MTA3: variants seen among roughly 807,000 people sequenced by gnomAD.
MTA3 encodes metastasis-associated protein MTA3.
A neutral mutation model predicts 83.5 loss-of-function variants in MTA3; 34 were observed. The observed-to-expected ratio is 0.41, with a 90% CI of 0.31 to 0.54. The LOEUF is 0.54. Among genes scored for constraint, MTA3 ranks in the 20% least tolerant of loss-of-function variants. The probability of loss-of-function intolerance (pLI) is 0.33; values close to 1 mark genes in which losing one functional copy is unlikely to be tolerated. For missense variants in MTA3, 761 were observed against 726.4 expected (o/e 1.05, Z -0.55); for synonymous variants, 303 against 252.7 (o/e 1.20, Z -1.89).
intron 9 of MTA3, among the ~76,000 whole-genome samples, chr2:42,690,949 T>C (rs1316987019): frequency 6.6e-6 from 1 of 151,880 alleles, no homozygotes; most frequent in Non-Finnish European, 1.5e-5. Flanking sequence ...CGATCTCTGC[T>C]TACTGCAACC....
chr2:42,721,127 T>C (rs905383947), intron 15 of MTA3, among the ~76,000 whole-genome samples: 10 of 152,102 alleles, frequency 6.6e-5, no homozygotes, highest in African/African-American at 2.4e-4. Context: ...AATATATTTA[T>C]GAGTATTTAT....
Position 42,708,049 on chromosome 2 carries a change from A to G in MTA3, c.1297A>G (p.Thr433Ala). Residue 433 changes from threonine (T) to alanine (A), a missense_variant, in exon 13 of 17, where the codon ACA (threonine) becomes GCA (alanine). By Grantham distance (58) the Thr-to-Ala change is moderately conservative (BLOSUM62 0). Transcript: ENST00000405094. ...AGAGAAGTTATCTCCTAGCCCAACT[A>G]CAGAGGTACAGTAGTCTTTTTAGTG... ...EEEKLSPSPT[T>A]EDPRVRSHVS... The G allele has an allele frequency of 6.2e-7, 1 of 1,604,760 alleles. No individual in the cohort carries two copies. The highest frequency in any genetic ancestry group is 8.5e-7 in the Non-Finnish European group (1 of 1,177,378).
At chr2:42,658,718 C>G (rs935674119) in intron 7 of MTA3, among the ~76,000 whole-genome samples, 4 of 152,066 alleles carry the variant, frequency 2.6e-5, no homozygotes, top group Admixed American at 6.6e-5. Context: ...TTTACAGTAA[C>G]TATCTGTTTA....
At chr2:42,607,960 TATACAA>T (rs1239225911) in intron 3 of MTA3, among the ~76,000 whole-genome samples, 1 of 152,206 alleles carries the variant, frequency 6.6e-6, no homozygotes, top group Non-Finnish European at 1.5e-5. Context: ...AAAAAAAAGT[TATACAA>T]ATACATAAAT....
chr2:42,751,907 G>T (rs913022925), intron 16 of MTA3, among the ~76,000 whole-genome samples: 1 of 152,170 alleles, frequency 6.6e-6, no homozygotes, highest in African/African-American at 2.4e-5. Context: ...AGGTCAGGAT[G>T]CTCTTACTGG....
At chr2:42,672,904 T>A (rs1295753737) in intron 8 of MTA3, among the ~76,000 whole-genome samples, 6 of 150,066 alleles carry the variant, frequency 4.0e-5, no homozygotes, top group Non-Finnish European at 3.0e-5. Flanking sequence ...TGGAGTGCAA[T>A]GGTGCAATCT....
At chr2:42,528,642 G>C (rs533852700) in intron 2 of MTA3, among the ~76,000 whole-genome samples, 1 of 152,336 alleles carries the variant, frequency 6.6e-6, no homozygotes, top group African/African-American at 2.4e-5. Context: ...CTTTACTACT[G>C]AAGAGATGTG....
intron 9 of MTA3, among the ~76,000 whole-genome samples, chr2:42,685,226 A>G (rs996604030): frequency 4.6e-5 from 7 of 152,244 alleles, no homozygotes; most frequent in Non-Finnish European, 8.8e-5. Flanking sequence ...ATACTGTTAG[A>G]TGATTTTTTT....
intron 7 of MTA3, among the ~76,000 whole-genome samples, chr2:42,656,984 TG>T (rs1423788417): frequency 2.0e-5 from 3 of 152,206 alleles, no homozygotes; most frequent in African/African-American, 7.2e-5. Context: ...ATCATTTATG[TG>T]TATACAGAGT....
chr2:42,627,678 C>T (rs935095769), intron 4 of MTA3, among the ~76,000 whole-genome samples: 2 of 151,722 alleles, frequency 1.3e-5, no homozygotes, highest in Non-Finnish European at 2.9e-5. Context: ...ATCCTCCTGC[C>T]TCAGCCTCCC....
upstream of MTA3, among the ~76,000 whole-genome samples, chr2:42,566,243 C>T (rs957566320): frequency 1.3e-5 from 2 of 152,068 alleles, no homozygotes; most frequent in African/African-American, 2.4e-5. Context: ...GCTTTCCACC[C>T]GTCTTTGGTT....
intron 4 of MTA3, among the ~76,000 whole-genome samples, chr2:42,618,475 G>A (rs1685172150): frequency 6.6e-6 from 1 of 152,106 alleles, no homozygotes; most frequent in Non-Finnish European, 1.5e-5. Flanking sequence ...AAACTTATGT[G>A]TATTTTCTGG....
intron 8 of MTA3, among the ~76,000 whole-genome samples, chr2:42,675,034 C>G (rs894856644): frequency 2.0e-5 from 3 of 152,022 alleles, no homozygotes; most frequent in African/African-American, 7.2e-5. Context: ...GCCTTGGCCT[C>G]CCAGGGCCTC....
intron 2 of MTA3, among the ~76,000 whole-genome samples, chr2:42,499,300 T>A (rs981317686): frequency 1.3e-5 from 2 of 151,722 alleles, no homozygotes; most frequent in African/African-American, 4.8e-5. Context: ...CCTGAGCAGC[T>A]GGGATTACAG....
At chr2:42,636,063 C>T (rs960967243) in intron 4 of MTA3, among the ~76,000 whole-genome samples, 12 of 152,112 alleles carry the variant, frequency 7.9e-5, no homozygotes, top group South Asian at 2.1e-4. Flanking sequence ...GCCACGGCGC[C>T]GGGCCAGGAA....
chr2:42,610,439 T>A (rs35012832), intron 4 of MTA3, among the ~76,000 whole-genome samples: 15,702 of 152,182 alleles, frequency 0.1, 1,027 homozygotes, highest in Non-Finnish European at 0.14. Context: ...GGTGACTGAT[T>A]TGGGCGATAT....
At chr2:42,600,550 G>C (rs565333310) in intron 3 of MTA3, among the ~76,000 whole-genome samples, 75 of 142,696 alleles carry the variant, frequency 5.3e-4, no homozygotes, top group African/African-American at 1.8e-3. Flanking sequence ...ATGTTTCTTT[G>C]TTTTGTTTTG....
In MTA3 at chr2:42,708,908, C is replaced by T. The variant is rs751395716; in HGVS notation, c.1337C>T (p.Ala446Val). ...PRVRSHVSRQ[A>V]MQGMPVRNTG... is the part of the protein sequence containing the mutation. ...GTTAGAAGTCACGTGTCCCGCCAGGCCATGCAGGGAATGCCAGTCCGAAAC... is the reference window on the plus strand; with the variant it reads ...GTTAGAAGTCACGTGTCCCGCCAGGTCATGCAGGGAATGCCAGTCCGAAAC... The change falls in exon 14 of 17, where the codon GCC (alanine) becomes GTC (valine). Residue 446 changes from alanine (A) to valine (V), a missense_variant. Coordinates refer to ENST00000405094, the MANE Select transcript of MTA3 (RefSeq NM_001330442.2). The T allele has an allele frequency of 6.2e-7, 1 of 1,613,988 alleles. No individual in the cohort carries two copies. The highest frequency in any genetic ancestry group is 8.5e-7 in the Non-Finnish European group (1 of 1,179,880).
At chr2:42,720,548 T>C (rs1324468415) in intron 15 of MTA3, among the ~76,000 whole-genome samples, 1 of 152,158 alleles carries the variant, frequency 6.6e-6, no homozygotes, top group Non-Finnish European at 1.5e-5. Flanking sequence ...CACATGGTTA[T>C]TGTACACATG....
Sources: allele counts gnomAD v4.1 joint callset (sites outside exome capture counted in the v4.1 genomes callset), GRCh38; gene constraint gnomAD v4.1.1; transcripts MANE v1.5; gene names NCBI Gene and HGNC (gene_info 2026-07-23, HGNC 2026-07-21).